The following KIAA0753 variants were observed in gnomAD, a reference collection of about 807,000 sequenced individuals.
The protein encoded by KIAA0753 is protein moonraker.
A neutral mutation model predicts 116.9 loss-of-function variants in KIAA0753; 114 were observed. The ratio of observed to expected loss-of-function variants is 0.98; its 90% CI spans 0.84 to 1.14. The LOEUF (loss-of-function observed/expected upper bound fraction) is 1.14, where lower values mean the gene tolerates loss of function less well. KIAA0753 is among the 50% of genes most tolerant of loss of function. The pLI is 0.00. For synonymous variants in KIAA0753, 405 were observed against 413.1 expected, an observed-to-expected ratio of 0.98 and a Z score of 0.24; for missense variants, 1,156 against 1,172.4, an observed-to-expected ratio of 0.99 and a Z score of 0.20.
At chr17:6,629,719 T>C (rs1247922532) in intron 2 of KIAA0753, among the ~76,000 whole-genome samples, 3 of 152,224 alleles carry the variant, frequency 2.0e-5, no homozygotes, top group Non-Finnish European at 4.4e-5. Flanking sequence ...TGGCCTCCCC[T>C]GCTCTCACAA....
intron 16 of KIAA0753, among the ~76,000 whole-genome samples, chr17:6,592,382 G>A (rs1398418190): frequency 6.6e-6 from 1 of 152,106 alleles, no homozygotes; most frequent in Non-Finnish European, 1.5e-5. Flanking sequence ...AGTACTCACG[G>A]CGCTTACATT....
At chr17:6,601,383 G>A (rs1268972291) in intron 12 of KIAA0753, among the ~76,000 whole-genome samples, 28 of 152,118 alleles carry the variant, frequency 1.8e-4, no homozygotes, top group Admixed American at 6.6e-5. Context: ...CAGCGGTCAC[G>A]TATGCAGGCT....
At chr17:6,601,687 G>A (rs917152690) in intron 12 of KIAA0753, among the ~76,000 whole-genome samples, 1 of 152,152 alleles carries the variant, frequency 6.6e-6, no homozygotes, top group African/African-American at 2.4e-5. Context: ...AGAATAAATG[G>A]TAAAACTATA....
intron 7 of KIAA0753, among the ~76,000 whole-genome samples, chr17:6,616,893 G>A (rs1355577887): frequency 1.3e-5 from 2 of 152,170 alleles, no homozygotes; most frequent in African/African-American, 2.4e-5. Context: ...GCAGAGGTGG[G>A]ACTAAAATCT....
rs138587644 is a variant in KIAA0753 at position 6,595,943 on chromosome 17, G to A, written c.2358+215C>T. Among the ~76,000 whole-genome samples the A allele has an allele frequency of 2.3e-3, 344 of 152,292 alleles. 5 individuals carry two copies. The highest frequency in any genetic ancestry group is 7.8e-3 in the African/African-American group (324 of 41,552). ...TACTGGATTACATGGCAAGCAGTGCGCTGAATACTCTATGCCTCTTTTTAT... is the reference window on the plus strand; with the variant it reads ...TACTGGATTACATGGCAAGCAGTGCACTGAATACTCTATGCCTCTTTTTAT... On this transcript the variant is annotated intron_variant, in intron 15 of 18. Coordinates refer to ENST00000361413, the MANE Select transcript of KIAA0753 (RefSeq NM_014804.3).
chr17:6,594,751 G>C (rs1969342971), intron 16 of KIAA0753, among the ~76,000 whole-genome samples: 1 of 152,120 alleles, frequency 6.6e-6, no homozygotes, highest in African/African-American at 2.4e-5. Context: ...AATATTTAGG[G>C]GTAAAGTGTG....
chr17:6,591,123 G>C (rs1969036424), intron 16 of KIAA0753, among the ~76,000 whole-genome samples: 1 of 151,680 alleles, frequency 6.6e-6, no homozygotes, highest in African/African-American at 2.4e-5. Flanking sequence ...ACTCACACCT[G>C]AACACTTAAT....
chr17:6,611,463 G>C (rs962571330), intron 8 of KIAA0753, among the ~76,000 whole-genome samples: 2 of 151,864 alleles, frequency 1.3e-5, no homozygotes, highest in Non-Finnish European at 2.9e-5. Flanking sequence ...ACCACATCTG[G>C]CTAATTTTGT....
rs1451651771 is a variant in KIAA0753, at chr17:6,628,594, G to T, written c.241C>A (p.Pro81Thr). ...AATGAAACAGAACTGCCCAGGTCAG[G>T]ACCAACTCTACAATCTGCATCTTTA... ...HCKDADCRVGPDLGSSVSFSV... is the reference protein window; with the variant it reads ...HCKDADCRVGTDLGSSVSFSV... Residue 81 changes from proline (P) to threonine (T), a missense_variant, in exon 3 of 19, where the codon CCT becomes ACT. Coordinates refer to ENST00000361413, the MANE Select transcript of KIAA0753 (RefSeq NM_014804.3). 1 of 1,614,010 alleles carries T rather than the reference G, an allele frequency of 6.2e-7. No homozygotes were observed. Among genetic ancestry groups the T allele is most frequent in the Non-Finnish European group, 8.5e-7 (1 of 1,180,028 alleles).
intron 12 of KIAA0753, among the ~76,000 whole-genome samples, chr17:6,601,987 TG>T (rs1359263553): frequency 6.6e-6 from 1 of 152,184 alleles, no homozygotes; most frequent in Non-Finnish European, 1.5e-5. Context: ...GCAAAAGACT[TG>T]AACACACACT....
chr17:6,583,082 C>T (rs188443023), intron 18 of KIAA0753, among the ~76,000 whole-genome samples: 3 of 152,278 alleles, frequency 2.0e-5, no homozygotes, highest in Non-Finnish European at 1.5e-5. Flanking sequence ...CCCAAAATAC[C>T]CTTTTTAATA....
At chr17:6,596,451 C>A (rs1969494551) in intron 14 of KIAA0753, 108 bp from the exon 15 acceptor site, 6 of 871,044 alleles carry the variant, frequency 6.9e-6, no homozygotes, top group Admixed American at 4.7e-5. Context: ...TCATAATAAA[C>A]CAACAGCATA....
chr17:6,623,184 C>T (rs972070332), intron 5 of KIAA0753, 87 bp from the exon 6 acceptor site: 12 of 1,276,820 alleles, frequency 9.4e-6, no homozygotes, highest in Admixed American at 8.3e-5. Flanking sequence ...TATAGCCTGT[C>T]TTCTTTCTGT....
chr17:6,587,677 C>T (rs1968680172), intron 18 of KIAA0753, among the ~76,000 whole-genome samples: 1 of 152,264 alleles, frequency 6.6e-6, no homozygotes. Context: ...TGTGTCTCTA[C>T]CAGAACAAAG....
At chr17:6,580,856 G>A (rs1178337098) in intron 18 of KIAA0753, among the ~76,000 whole-genome samples, 1 of 151,726 alleles carries the variant, frequency 6.6e-6, no homozygotes, top group African/African-American at 2.4e-5. Flanking sequence ...CTCTGTAGGA[G>A]ACGGGGGAGG....
Position 6,588,739 on chromosome 17 carries a change from G to A in KIAA0753, c.2786+1040C>T, listed in dbSNP as rs140065953. ...TGTTTGTAACAAGGTGATAACTTGC[G>A]AGGAATTTAAATGTGGGCCCTGTTT... On this transcript the variant is annotated intron_variant, in intron 18 of 18. Coordinates refer to ENST00000361413, the MANE Select transcript of KIAA0753 (RefSeq NM_014804.3). Among the ~76,000 whole-genome samples the A allele has an allele frequency of 1.5e-4, 23 of 152,126 alleles. No individual in the cohort carries two copies. The East Asian group carries it at 3.1e-3, about 20-fold the overall frequency.
intron 6 of KIAA0753, among the ~76,000 whole-genome samples, chr17:6,622,157 A>T (rs946155813): frequency 6.6e-6 from 1 of 152,226 alleles, no homozygotes; most frequent in Non-Finnish European, 1.5e-5. Flanking sequence ...TAGGGGAACT[A>T]ATACTAGCAT....
intron 16 of KIAA0753, 103 bp downstream of exon 16, chr17:6,594,866 TAGA>T: frequency 2.6e-6 from 2 of 781,074 alleles, no homozygotes; most frequent in South Asian, 3.1e-5. Flanking sequence ...TTGTAGAATC[TAGA>T]AGGTGAGTAT....
chr17:6,629,884 T>C (rs1285300201), intron 2 of KIAA0753, among the ~76,000 whole-genome samples: 1 of 152,216 alleles, frequency 6.6e-6, no homozygotes, highest in Non-Finnish European at 1.5e-5. Flanking sequence ...CACAGACTGA[T>C]GAACGGTGTT....
Sources: gnomAD v4.1 joint callset for allele counts (sites outside exome capture counted in the v4.1 genomes callset) on GRCh38, gnomAD v4.1.1 for gene constraint, MANE v1.5 for transcripts, NCBI Gene and HGNC (gene_info 2026-07-23, HGNC 2026-07-21) for gene names.